TET1: variants seen among roughly 807,000 people sequenced by gnomAD.
TET1 encodes the protein tet methylcytosine dioxygenase 1.
A neutral mutation model predicts 148.7 loss-of-function variants in TET1; 13 were observed. That is an observed-to-expected ratio of 0.09 (90% confidence interval 0.06 to 0.14). TET1 has a LOEUF of 0.14. TET1 is among the 10% of genes least tolerant of loss of function. The pLI is 1.00. For synonymous variants in TET1, 907 were observed against 937.2 expected, an observed-to-expected ratio of 0.97 and a Z score of 0.59; for missense variants, 2,182 against 2,553.8, an observed-to-expected ratio of 0.85 and a Z score of 3.14.
At chr10:68,584,491 T>C (rs751586191) in intron 2 of TET1, among the ~76,000 whole-genome samples, 3 of 151,680 alleles carry the variant, frequency 2.0e-5, no homozygotes, top group Non-Finnish European at 4.4e-5. Flanking sequence ...GGCAGATCAC[T>C]TGAGGCCAGA....
chr10:68,676,384 CG>C (rs2133207799), intron 8 of TET1, among the ~76,000 whole-genome samples: 1 of 144,816 alleles, frequency 6.9e-6, no homozygotes, highest in African/African-American at 2.6e-5. Context: ...CCCAGGTTCA[CG>C]CCATTCTCCT....
In TET1 at chr10:68,645,901, T is replaced by C. The variant is rs977154748; in HGVS notation, c.3172T>C (p.Leu1058=). The change falls in exon 4 of 12, where the codon TTG becomes CTG. Residue 1058 remains leucine (L), a synonymous_variant. Coordinates refer to ENST00000373644, the MANE Select transcript of TET1 (RefSeq NM_030625.3). ...CNQLLDSSKK[L]DSDDLSCQDA... ...CCAGTTACTGGACAGCAGCAAAAAA[T>C]TGGACTCAGATGATCTATCATGTCA... is the stretch of plus-strand genomic sequence containing the variant. 1.2e-6 allele frequency: 2 copies of C among 1,612,430 alleles called. No homozygotes were observed. The highest frequency in any genetic ancestry group is 1.3e-5 in the African/African-American group (1 of 74,382).
chr10:68,686,785 T>C, intron 11 of TET1, 78 bp downstream of exon 11: 1 of 1,337,446 alleles, frequency 7.5e-7, no homozygotes, highest in Non-Finnish European at 1.0e-6. Flanking sequence ...GCCTTATTTG[T>C]TTAGAGTTAA....
intron 6 of TET1, among the ~76,000 whole-genome samples, chr10:68,655,949 G>C (rs1464776884): frequency 6.6e-6 from 1 of 152,098 alleles, no homozygotes; most frequent in African/African-American, 2.4e-5. Context: ...TCTGCCTTCT[G>C]TCAGATCAGC....
chr10:68,608,550 T>G (rs2054159807), intron 3 of TET1, among the ~76,000 whole-genome samples: 1 of 151,644 alleles, frequency 6.6e-6, no homozygotes, highest in African/African-American at 2.4e-5. Context: ...TTTATTTATT[T>G]TTGAGATGGA....
intron 1 of TET1, among the ~76,000 whole-genome samples, chr10:68,570,183 C>A (rs1301557214): frequency 6.6e-6 from 1 of 151,960 alleles, no homozygotes; most frequent in Admixed American, 6.6e-5. Flanking sequence ...CAGCTCACTG[C>A]AACCTCTGCC....
At chr10:68,641,790 C>T (rs999206865) in intron 3 of TET1, among the ~76,000 whole-genome samples, 13 of 152,056 alleles carry the variant, frequency 8.5e-5, no homozygotes, top group Admixed American at 2.0e-4. Flanking sequence ...CATGAGCCAC[C>T]GCACCTGGCC....
At position 68,646,165 on chromosome 10, in the gene TET1, A is replaced by G. The variant is rs760585078; in HGVS notation, c.3436A>G (p.Thr1146Ala). ...GSSLTKQKNP[T>A]QKKTKSTPSR... ...ATCATTAACAAAACAAAAGAACCCA[A>G]CCCAGAAAAAGACAAAATCCACCCC... The change falls in exon 4 of 12, where the codon ACC becomes GCC. Residue 1146 changes from threonine to alanine, a missense_variant. Thr to Ala is a moderately conservative substitution (Grantham distance 58). Transcript: ENST00000373644. The G allele has an allele frequency of 2.5e-6, 4 of 1,613,190 alleles. No homozygotes were observed. The highest frequency in any genetic ancestry group is 2.2e-5 in the South Asian group (2 of 90,870).
At chr10:68,575,817 C>G (rs375431540) in intron 2 of TET1, among the ~76,000 whole-genome samples, 41 of 151,210 alleles carry the variant, frequency 2.7e-4, no homozygotes, top group Non-Finnish European at 5.6e-4. Flanking sequence ...GTCAGGAGAT[C>G]GAGACCATCC....
chr10:68,574,101 G>A lies in TET1; in HGVS notation c.1763G>A (p.Arg588Lys), dbSNP rs1191715443. 1.9e-6 allele frequency: 3 copies of A among 1,614,170 alleles called. No individual in the cohort carries two copies. Among genetic ancestry groups the A allele is most frequent in the Admixed American group, 1.7e-5 (1 of 60,022 alleles). ...CTACCGACTTTGGAAAAGAAGAAAA[G>A]AAAGCGATGTGGGGTCTGTGAACCC... ...TLLPTLEKKK[R>K]KRCGVCEPCQ... Residue 588 changes from arginine to lysine, a missense_variant, in exon 2 of 12, where the codon AGA becomes AAA. By Grantham distance (26) the Arg-to-Lys change is conservative (BLOSUM62 2). This residue lies in a region of TET1 where 226 missense variants were observed against 307.4 expected (regional missense o/e 0.74). Coordinates refer to ENST00000373644, the MANE Select transcript of TET1 (RefSeq NM_030625.3).
intron 5 of TET1, among the ~76,000 whole-genome samples, chr10:68,652,145 A>G (rs1390252242): frequency 6.6e-6 from 1 of 152,180 alleles, no homozygotes; most frequent in Non-Finnish European, 1.5e-5. Context: ...AGCACCCACA[A>G]AGCAAGACTA....
intron 6 of TET1, among the ~76,000 whole-genome samples, chr10:68,661,832 CAA>C (rs71299296): frequency 1.3e-5 from 2 of 150,844 alleles, no homozygotes; most frequent in African/African-American, 4.9e-5. Context: ...CACACACACA[CAA>C]AAAACCAAGT....
In TET1 at chr10:68,673,995, C is replaced by A. The variant is rs1589128560; in HGVS notation, c.4824+950C>A. Among the ~76,000 whole-genome samples the A allele has an allele frequency of 4.3e-5, 4 of 92,914 alleles. No homozygotes were observed. In the South Asian group the frequency reaches 1.3e-3, roughly 31 times the overall value. 61.0% of individuals were successfully genotyped at this position (92,914 alleles called of 152,430 possible). A position where few individuals can be genotyped will look rare whatever the true frequency, so the allele number is the denominator to read the frequency against. ...TTTTTTTTTGAGACAGAGTTTCGCTCTTGTTGCCCAGGCTGGAGTACAAAG... is the reference window on the plus strand; with the variant it reads ...TTTTTTTTTGAGACAGAGTTTCGCTATTGTTGCCCAGGCTGGAGTACAAAG... On this transcript the variant is annotated intron_variant, in intron 8 of 11. Coordinates refer to ENST00000373644, the MANE Select transcript of TET1 (RefSeq NM_030625.3).
intron 2 of TET1, among the ~76,000 whole-genome samples, chr10:68,596,038 A>G (rs2132856971): frequency 7.2e-6 from 1 of 138,176 alleles, no homozygotes; most frequent in East Asian, 2.1e-4. Flanking sequence ...ATATATATAT[A>G]TATATACACA....
At chr10:68,570,527 G>GT (rs2053657867) in intron 1 of TET1, among the ~76,000 whole-genome samples, 2 of 152,054 alleles carry the variant, frequency 1.3e-5, no homozygotes, top group South Asian at 4.2e-4. Flanking sequence ...CAGATATTTG[G>GT]TTTTCTGTCC....
chr10:68,564,178 TCA>T (rs2133661434), intron 1 of TET1, among the ~76,000 whole-genome samples: 1 of 151,662 alleles, frequency 6.6e-6, no homozygotes, highest in Admixed American at 6.6e-5. Context: ...TTTCAGAGTC[TCA>T]CTCTGTTGCC....
intron 6 of TET1, among the ~76,000 whole-genome samples, chr10:68,660,580 G>A (rs2055093278): frequency 6.6e-6 from 1 of 151,614 alleles, no homozygotes; most frequent in African/African-American, 2.4e-5. Context: ...GACCTCAGGT[G>A]ATCTGCCTGC....
At position 68,635,094 on chromosome 10, in the gene TET1, A is replaced by AATAT. The variant is rs35973640; in HGVS notation, c.1969-9594_1969-9591dup. Reference sequence around the variant, plus strand: ...AGGCATGAGCCACCATGCCTGGCGCAATATATATATATAATATATATATTT... The same window carrying AATAT: ...AGGCATGAGCCACCATGCCTGGCGCAATATATATATATATATAATATATATATTT... On this transcript the variant is annotated intron_variant, in intron 3 of 11. Coordinates refer to ENST00000373644, the MANE Select transcript of TET1 (RefSeq NM_030625.3). Among the ~76,000 whole-genome samples the AATAT allele has an allele frequency of 1.7e-3, 260 of 149,152 alleles. 3 individuals carry two copies. The highest frequency in any genetic ancestry group is 4.0e-4 in the Non-Finnish European group (27 of 67,394).
intron 3 of TET1, among the ~76,000 whole-genome samples, chr10:68,613,917 G>T (rs2054252311): frequency 6.7e-6 from 1 of 148,678 alleles, no homozygotes; most frequent in East Asian, 1.9e-4. Context: ...CAGACTGGAG[G>T]ACAAGAGCGA....
Sources: allele counts gnomAD v4.1 joint callset (sites outside exome capture counted in the v4.1 genomes callset), GRCh38; gene constraint gnomAD v4.1.1; regional missense constraint gnomAD v4.1.1; transcripts MANE v1.5; gene names NCBI Gene and HGNC (gene_info 2026-07-23, HGNC 2026-07-21).